IFT140: variants seen among roughly 807,000 people sequenced by gnomAD.
The protein encoded by IFT140 is intraflagellar transport protein 140 homolog.
Under a neutral mutation model 164.6 loss-of-function variants are expected in IFT140, and 133 were observed. That is an observed-to-expected ratio of 0.81 (90% confidence interval 0.70 to 0.93). The LOEUF (loss-of-function observed/expected upper bound fraction) is 0.93, where lower values mean the gene tolerates loss of function less well. Ranked by LOEUF, IFT140 falls within the 40% of genes least tolerant of loss-of-function variation. The pLI, the probability that IFT140 is intolerant of heterozygous loss-of-function variation, is 0.00. For missense variants in IFT140, 2,045 were observed against 1,972.3 expected (o/e 1.04, Z -0.70); for synonymous variants, 860 against 817.3 (o/e 1.05, Z -0.89).
In IFT140 at chr16:1,519,984, A is replaced by C; in HGVS notation, c.3937T>G (p.Cys1313Gly). 1.2e-6 allele frequency: 2 copies of C among 1,607,300 alleles called. No homozygotes were observed. Among genetic ancestry groups the C allele is most frequent in the Non-Finnish European group, 8.5e-7 (1 of 1,177,308 alleles). ...AHGALTEAYK[C>G]LAKAKAKSPL... ...CTCTTGGCCTTGGCCTTGGCCAGGC[A>C]CTTGTAGGCCTCGGTCAGCGCCCCG... The change falls in exon 29 of 31, where the codon TGC (cysteine) becomes GGC (glycine). Residue 1313 changes from cysteine to glycine, a missense_variant. Physicochemically the swap from Cys to Gly is radical, Grantham distance 159. Transcript: ENST00000426508.
intron 19 of IFT140, chr16:1,554,098 G>C: frequency 7.8e-7 from 1 of 1,287,176 alleles, no homozygotes; most frequent in Non-Finnish European, 1.0e-6. Context: ...GGAGGGTCTA[G>C]AACGAGAAGC....
chr16:1,510,520 TC>T lies in IFT140; in HGVS notation c.*423del, dbSNP rs1187601268. On this transcript the variant is annotated 3_prime_UTR_variant, in exon 31 of 31. Transcript: ENST00000426508. ...GGGTGCAGCCGCCAAGGCCCGGGTG[TC>T]CCAGCTGTTGCTCAGGAGCCGTGGG... 3 of 245,020 alleles carry T rather than the reference TC, an allele frequency of 1.2e-5. No individual in the cohort carries two copies. The highest frequency in any genetic ancestry group is 2.4e-5 in the Non-Finnish European group (3 of 125,472). The allele number at this position is 245,020 out of a possible 1,614,324, so 15.2% of individuals were successfully genotyped here.
chr16:1,601,624 G>A (rs540535152), intron 4 of IFT140, among the ~76,000 whole-genome samples: 1 of 152,258 alleles, frequency 6.6e-6, no homozygotes, highest in Admixed American at 6.5e-5. Flanking sequence ...GCGTGTCCTT[G>A]CACTGTTCTT....
At chr16:1,609,340 G>A (rs928137930) in intron 2 of IFT140, among the ~76,000 whole-genome samples, 1 of 152,182 alleles carries the variant, frequency 6.6e-6, no homozygotes, top group Non-Finnish European at 1.5e-5. Context: ...CCTGCCTGGG[G>A]TTTTTCAAGG....
intron 24 of IFT140, 23 bp from the exon 25 acceptor site, chr16:1,523,979 C>T (rs1224158892): frequency 2.5e-6 from 4 of 1,605,242 alleles, no homozygotes; most frequent in Non-Finnish European, 3.4e-6. Context: ...AGGCAGGGCC[C>T]TGAAGCGGCT....
In IFT140 at chr16:1,588,010, C is replaced by A; in HGVS notation, c.825G>T (p.Gly275=). The A allele has an allele frequency of 1.2e-6, 2 of 1,613,760 alleles. No homozygotes were observed. The highest frequency in any genetic ancestry group is 1.1e-5 in the South Asian group (1 of 90,990). The stretch of plus-strand genomic sequence containing the variant: ...CGATGTCTGCCCGGCGGCCGGTTTT[C>A]CCGCTCAGCTTGACCTGTGTGAGGA... ...AEEVMKVKLS[G]KTGRRADIAL... The change falls in exon 8 of 31, where the codon GGG becomes GGT. Residue 275 remains glycine (G), a synonymous_variant. Transcript: ENST00000426508.
intron 30 of IFT140, among the ~76,000 whole-genome samples, chr16:1,515,285 G>C (rs1370058207): frequency 6.6e-6 from 1 of 152,188 alleles, no homozygotes; most frequent in Admixed American, 6.5e-5. Flanking sequence ...AGCCAGTGCA[G>C]TGGGAGATGG....
At chr16:1,587,595 G>A (rs1219171963) in intron 8 of IFT140, among the ~76,000 whole-genome samples, 1 of 152,206 alleles carries the variant, frequency 6.6e-6, no homozygotes, top group African/African-American at 2.4e-5. Flanking sequence ...ACAGCACACT[G>A]AGCTAACGCA....
chr16:1,599,026 C>T (rs1350157363), intron 4 of IFT140, among the ~76,000 whole-genome samples: 14 of 116,210 alleles, frequency 1.2e-4, no homozygotes, highest in South Asian at 3.4e-4. Context: ...TCTGCCCGGC[C>T]GCCCATCGTC....
At position 1,550,883 on chromosome 16, in the gene IFT140, C is replaced by T. The variant is rs370220499; in HGVS notation, c.2399+7052G>A. On this transcript the variant is annotated intron_variant, in intron 19 of 30. Coordinates refer to ENST00000426508, the MANE Select transcript of IFT140 (RefSeq NM_014714.4). ...ACGCTGACCCTAGCGTGGTCCCCGG[C>T]GTGCCAGTGGAGGCTGAACAGGCCT... 5.3e-5 allele frequency among the ~76,000 whole-genome samples: 8 copies of T among 152,340 alleles called. No homozygotes were observed. In the East Asian group the frequency reaches 1.4e-3, roughly 26 times the overall value.
chr16:1,526,148 C>G, intron 20 of IFT140, 71 bp from the exon 21 acceptor site: 1 of 1,412,216 alleles, frequency 7.1e-7, no homozygotes, highest in East Asian at 2.5e-5. Context: ...TGTTCCACGC[C>G]AGGCCACCGG....
chr16:1,563,446 C>CCGTCTCAAA (rs1567375165), intron 17 of IFT140, among the ~76,000 whole-genome samples: 3 of 150,696 alleles, frequency 2.0e-5, no homozygotes, highest in African/African-American at 7.4e-5. Flanking sequence ...GAGAGAGACT[C>CCGTCTCAAA]AAAAAACAAA....
chr16:1,544,895 G>C lies in IFT140; in HGVS notation c.2399+13040C>G, dbSNP rs542049531. Among the ~76,000 whole-genome samples the C allele has an allele frequency of 5.3e-5, 8 of 151,100 alleles. No individual in the cohort carries two copies. In the South Asian group the frequency reaches 6.3e-4, roughly 12 times the overall value. On this transcript the variant is annotated intron_variant, in intron 19 of 30. Coordinates refer to ENST00000426508, the MANE Select transcript of IFT140 (RefSeq NM_014714.4). ...GATCTCCTGACCTTGTGATCCGCCC[G>C]CCTCGGCCTCCCAAAGTGCTGGGAT...
At chr16:1,559,962 A>G (rs1487010739) in intron 18 of IFT140, among the ~76,000 whole-genome samples, 1 of 152,228 alleles carries the variant, frequency 6.6e-6, no homozygotes, top group Non-Finnish European at 1.5e-5. Context: ...GAAGGTGAGA[A>G]ATGAGAGAGA....
intron 17 of IFT140, among the ~76,000 whole-genome samples, chr16:1,563,618 T>C (rs2141534675): frequency 6.6e-6 from 1 of 152,142 alleles, no homozygotes; most frequent in Non-Finnish European, 1.5e-5. Flanking sequence ...ACCGTGGCTT[T>C]TCTGCATAGC....
Position 1,584,412 on chromosome 16 carries a change from G to T in IFT140, c.1164C>A (p.Ser388=). The T allele has an allele frequency of 6.2e-7, 1 of 1,605,688 alleles. No individual in the cohort carries two copies. ...QGNITQIQWG[S]RKNLLAVNSV... ...TGTTCACTGCCAGCAGGTTCTTCCT[G>T]GAACCCCACTTCATTTCCAGGTTGC... Residue 388 remains serine (S), a synonymous_variant, in exon 11 of 31, where the codon TCC becomes TCA. Transcript: ENST00000426508.
Position 1,510,884 on chromosome 16 carries a change from CAAA to C in IFT140, c.*57_*59del. 6.6e-7 allele frequency: 1 copy of C among 1,504,184 alleles called. No homozygotes were observed. The highest frequency in any genetic ancestry group is 9.1e-7 in the Non-Finnish European group (1 of 1,097,458). The allele number at this position is 1,504,184 out of a possible 1,614,324, so 93.2% of individuals were successfully genotyped here. On this transcript the variant is annotated 3_prime_UTR_variant, in exon 31 of 31. Coordinates refer to ENST00000426508, the MANE Select transcript of IFT140 (RefSeq NM_014714.4). ...AAAATGCTGGCTTTGCCACAGCTGACAAAAAAATTCCAGAAGATGCCTTTCTGC... is the reference window on the plus strand; with the variant it reads ...AAAATGCTGGCTTTGCCACAGCTGACAAAATTCCAGAAGATGCCTTTCTGC...
At chr16:1,535,328 G>A (rs772531969) in intron 19 of IFT140, among the ~76,000 whole-genome samples, 1 of 152,182 alleles carries the variant, frequency 6.6e-6, no homozygotes, top group Admixed American at 6.5e-5. Context: ...CAGGTGTGAG[G>A]CTGCATAAAT....
rs2035844400 is a variant in IFT140 at position 1,602,472 on chromosome 16, G to C, written c.267C>G (p.Asn89Lys). 2 of 1,614,196 alleles carry C rather than the reference G, an allele frequency of 1.2e-6. No homozygotes were observed. The highest frequency in any genetic ancestry group is 1.7e-6 in the Non-Finnish European group (2 of 1,180,028). ...TCGTGTGCTGCTCCTTGTCCTGCTTGTTAAACACCGTCACTTCTCCAGTCT... is the reference window on the plus strand; with the variant it reads ...TCGTGTGCTGCTCCTTGTCCTGCTTCTTAAACACCGTCACTTCTCCAGTCT... ...GWETGEVTVF[N>K]KQDKEQHTMP... Residue 89 changes from asparagine to lysine, a missense_variant, in exon 4 of 31, where the codon AAC (asparagine) becomes AAG (lysine). By Grantham distance (94) the Asn-to-Lys change is moderately conservative. Transcript: ENST00000426508.
Sources: gnomAD v4.1 joint callset for allele counts (sites outside exome capture counted in the v4.1 genomes callset) on GRCh38, gnomAD v4.1.1 for gene constraint, MANE v1.5 for transcripts, NCBI Gene and HGNC (gene_info 2026-07-23, HGNC 2026-07-21) for gene names.